Variants in CACNA2D1 observed in about 807,000 individuals in gnomAD.
CACNA2D1 encodes calcium voltage-gated channel auxiliary subunit alpha2delta 1, also known as voltage-dependent calcium channel subunit alpha-2/delta-1.
CACNA2D1 carries 53 observed loss-of-function variants against 171.5 expected under a neutral mutation model. The ratio of observed to expected loss-of-function variants is 0.31; its 90% CI spans 0.25 to 0.39. The LOEUF (loss-of-function observed/expected upper bound fraction) is 0.39. Ranked by LOEUF, CACNA2D1 falls within the 10% of genes least tolerant of loss-of-function variation. The pLI, the probability that CACNA2D1 is intolerant of heterozygous loss-of-function variation, is 1.00. For missense variants in CACNA2D1, 903 were observed against 1,299.8 expected (o/e 0.69, Z 4.69); for synonymous variants, 442 against 443.1 (o/e 1.00, Z 0.03).
At chr7:82,154,510 G>A (rs535130236) in intron 4 of CACNA2D1, among the ~76,000 whole-genome samples, 1 of 152,040 alleles carries the variant, frequency 6.6e-6, no homozygotes, top group South Asian at 2.1e-4. Context: ...TTAGAGGACT[G>A]GTCAATAGGT....
At position 82,046,462 on chromosome 7, in the gene CACNA2D1, G is replaced by A. The variant is rs189479642; in HGVS notation, c.880-8227C>T. ...ATAAAAAAAGAAACATATTGAGAAT[G>A]AATTATCTCTTCTTTAATCAATTTA... On this transcript the variant is annotated intron_variant, in intron 10 of 38. Coordinates refer to ENST00000356860, the MANE Select transcript of CACNA2D1 (RefSeq NM_000722.4). Among the ~76,000 whole-genome samples, 11 of 152,214 alleles carry A rather than the reference G, an allele frequency of 7.2e-5. No homozygotes were observed. The East Asian group carries it at 2.1e-3, about 29-fold the overall frequency.
intron 3 of CACNA2D1, among the ~76,000 whole-genome samples, chr7:82,235,733 T>C (rs76162501): frequency 0.023 from 3,451 of 152,184 alleles, 134 homozygotes; most frequent in African/African-American, 0.079. Flanking sequence ...TTTCCTCAAA[T>C]GCCAAGCACC....
At chr7:82,029,725 A>ATATATG (rs1802417067) in intron 12 of CACNA2D1, 1 of 151,570 alleles carries the variant, frequency 6.6e-6, no homozygotes, top group African/African-American at 2.4e-5. Context: ...GGATATATAT[A>ATATATG]TATGTATGTA....
intron 5 of CACNA2D1, among the ~76,000 whole-genome samples, chr7:82,136,279 G>A (rs1010216106): frequency 3.3e-5 from 5 of 152,102 alleles, no homozygotes; most frequent in African/African-American, 9.7e-5. Context: ...GCAGATAGGC[G>A]TGGTGACCCT....
intron 6 of CACNA2D1, among the ~76,000 whole-genome samples, chr7:82,111,588 T>C (rs140608679): frequency 3.5e-4 from 53 of 150,924 alleles, no homozygotes; most frequent in East Asian, 2.9e-3. Flanking sequence ...GCTGGGACTA[T>C]AGGCGCATGC....
rs191058079 is a variant in CACNA2D1 at position 82,417,975 on chromosome 7, T to C, written c.95+25390A>G. On this transcript the variant is annotated intron_variant, in intron 1 of 38. Coordinates refer to ENST00000356860, the MANE Select transcript of CACNA2D1 (RefSeq NM_000722.4). Reference sequence around the variant, plus strand: ...CATCAACATGAGTCTTTCTAGTCTTTCCTAAGACAATGTATTAGACTGTTC... The same window carrying C: ...CATCAACATGAGTCTTTCTAGTCTTCCCTAAGACAATGTATTAGACTGTTC... Among the ~76,000 whole-genome samples the C allele has an allele frequency of 1.1e-4, 16 of 152,308 alleles. No individual in the cohort carries two copies. The East Asian group carries it at 2.9e-3, about 28-fold the overall frequency.
chr7:82,163,786 A>T (rs189564676), intron 4 of CACNA2D1, among the ~76,000 whole-genome samples: 1 of 152,152 alleles, frequency 6.6e-6, no homozygotes, highest in East Asian at 1.9e-4. Flanking sequence ...GATGCTCACT[A>T]GACTAGGCAA....
intron 4 of CACNA2D1, among the ~76,000 whole-genome samples, chr7:82,149,791 C>A (rs62462961): frequency 0.22 from 29,050 of 133,184 alleles, 3,894 homozygotes; most frequent in East Asian, 0.34. Flanking sequence ...AACAAACAAA[C>A]AACAAAAAAA....
chr7:82,166,001 G>C (rs559836455), intron 4 of CACNA2D1, among the ~76,000 whole-genome samples: 1 of 151,800 alleles, frequency 6.6e-6, no homozygotes, highest in Non-Finnish European at 1.5e-5. Flanking sequence ...GTCTGTCTTC[G>C]ATTCTAAGTA....
chr7:82,096,402 A>G (rs1288252532), intron 6 of CACNA2D1, among the ~76,000 whole-genome samples: 1 of 152,132 alleles, frequency 6.6e-6, no homozygotes, highest in East Asian at 1.9e-4. Flanking sequence ...CAATAAACAC[A>G]TAAGTAAGAA....
chr7:82,341,687 A>G (rs960962642), intron 2 of CACNA2D1, among the ~76,000 whole-genome samples: 3 of 152,192 alleles, frequency 2.0e-5, no homozygotes, highest in African/African-American at 7.2e-5. Flanking sequence ...AATTCAACTT[A>G]GTGTGTGCAT....
intron 12 of CACNA2D1, among the ~76,000 whole-genome samples, chr7:82,015,486 T>C (rs1800337566): frequency 6.6e-6 from 1 of 152,138 alleles, no homozygotes; most frequent in Admixed American, 6.6e-5. Flanking sequence ...TGAAAGACAT[T>C]GAATTTAAAT....
At chr7:81,962,722 A>G (rs1794289486) in intron 34 of CACNA2D1, among the ~76,000 whole-genome samples, 1 of 151,982 alleles carries the variant, frequency 6.6e-6, no homozygotes, top group South Asian at 2.1e-4. Context: ...ATCAAGTGGG[A>G]CACAATGTGT....
At chr7:82,056,608 C>T (rs1323214816) in intron 10 of CACNA2D1, among the ~76,000 whole-genome samples, 6 of 152,140 alleles carry the variant, frequency 3.9e-5, no homozygotes, top group Non-Finnish European at 8.8e-5. Flanking sequence ...ACTACTGCCA[C>T]TGGTAAATAA....
At chr7:82,438,131 G>A (rs1830242681) in intron 1 of CACNA2D1, among the ~76,000 whole-genome samples, 1 of 152,042 alleles carries the variant, frequency 6.6e-6, no homozygotes, top group Non-Finnish European at 1.5e-5. Context: ...GCTTGTGTAT[G>A]CAATATCTCA....
intron 12 of CACNA2D1, chr7:82,028,604 A>G (rs1241092592): frequency 2.6e-5 from 4 of 151,844 alleles, no homozygotes; most frequent in Admixed American, 6.6e-5. Context: ...TCTATATACC[A>G]TTACAAACAT....
At chr7:82,065,558 G>A (rs1163070655) in intron 8 of CACNA2D1, among the ~76,000 whole-genome samples, 1 of 152,188 alleles carries the variant, frequency 6.6e-6, no homozygotes, top group African/African-American at 2.4e-5. Flanking sequence ...CATGGTTGGT[G>A]TAGACATAAA....
intron 7 of CACNA2D1, among the ~76,000 whole-genome samples, chr7:82,078,356 C>T (rs13232306): frequency 0.32 from 47,998 of 151,994 alleles, 9,417 homozygotes; most frequent in Non-Finnish European, 0.43. Flanking sequence ...TAATAACAAT[C>T]CCAATTACTG....
At chr7:82,246,229 C>A (rs890392065) in intron 3 of CACNA2D1, among the ~76,000 whole-genome samples, 3 of 150,164 alleles carry the variant, frequency 2.0e-5, no homozygotes, top group Admixed American at 6.7e-5. Flanking sequence ...ATGTATATAT[C>A]TATATATATA....
Sources: allele counts gnomAD v4.1 joint callset (sites outside exome capture counted in the v4.1 genomes callset), GRCh38; gene constraint gnomAD v4.1.1; transcripts MANE v1.5; gene names NCBI Gene and HGNC (gene_info 2026-07-23, HGNC 2026-07-21).